The following CACNB2 variants were observed in gnomAD, a reference collection of about 807,000 sequenced individuals.
CACNB2 encodes the protein voltage-dependent L-type calcium channel subunit beta-2.
Under a neutral mutation model 73.3 loss-of-function variants are expected in CACNB2, and 42 were observed. That is an observed-to-expected ratio of 0.57 (90% confidence interval 0.45 to 0.74). The LOEUF (loss-of-function observed/expected upper bound fraction) is 0.74. Among genes scored for constraint, CACNB2 ranks in the 30% least tolerant of loss-of-function variants. CACNB2 has a pLI of 0.00. For missense variants in CACNB2, 940 were observed against 853.0 expected (o/e 1.10, Z -1.27); for synonymous variants, 348 against 310.3 (o/e 1.12, Z -1.28).
chr10:18,314,103 T>C (rs915921608), intron 2 of CACNB2, among the ~76,000 whole-genome samples: 2 of 115,648 alleles, frequency 1.7e-5, no homozygotes, highest in East Asian at 3.9e-4. Flanking sequence ...AGTGAATCAA[T>C]GATTGGACAC....
At position 18,504,857 on chromosome 10, in the gene CACNB2, C is replaced by T. The variant is rs1589578011; in HGVS notation, c.594-1614C>T. Among the ~76,000 whole-genome samples, 7 of 152,320 alleles carry T rather than the reference C, an allele frequency of 4.6e-5. 1 individual carries two copies. The highest frequency in any genetic ancestry group is 4.6e-4 in the Admixed American group (7 of 15,304). On this transcript the variant is annotated intron_variant, in intron 5 of 13. Coordinates refer to ENST00000324631, the MANE Select transcript of CACNB2 (RefSeq NM_201596.3). ...ACAGGGTTTCACTGTGTTGGCCAGG[C>T]TGGTCTCAAACTCCCAACCTTAGGT...
chr10:18,514,265 G>A lies in CACNB2; in HGVS notation c.700G>A (p.Ala234Thr). The A allele has an allele frequency of 1.9e-6, 3 of 1,614,026 alleles. No homozygotes were observed. Among genetic ancestry groups the A allele is most frequent in the Admixed American group, 3.3e-5 (2 of 60,012 alleles). ...AIDIDATGLD[A>T]EENDIPANHR... ...AGACATAGATGCTACTGGCTTAGAT[G>A]CAGAAGAAAATGATATTCCAGCAAA... Residue 234 changes from alanine (A) to threonine (T), a missense_variant, in exon 7 of 14, where the codon GCA (alanine) becomes ACA (threonine). By Grantham distance (58) the Ala-to-Thr change is moderately conservative (BLOSUM62 0). Transcript: ENST00000324631.
chr10:18,184,312 A>T (rs2131230491), intron 2 of CACNB2, among the ~76,000 whole-genome samples: 1 of 152,344 alleles, frequency 6.6e-6, no homozygotes, highest in Middle Eastern at 3.4e-3. Flanking sequence ...ACCTAAGTTT[A>T]AAACAGAAAA....
chr10:18,243,019 AC>A (rs2036724293), intron 2 of CACNB2, among the ~76,000 whole-genome samples: 1 of 150,842 alleles, frequency 6.6e-6, no homozygotes, highest in African/African-American at 2.4e-5. Flanking sequence ...AAAAAAAAAA[AC>A]AAAAAAAAGA....
chr10:18,410,749 A>C (rs372252164), intron 3 of CACNB2, among the ~76,000 whole-genome samples: 1 of 152,156 alleles, frequency 6.6e-6, no homozygotes, highest in African/African-American at 2.4e-5. Context: ...TGGGAGGCCA[A>C]GGCAGGTGGA....
At chr10:18,305,948 G>A (rs2039710467) in intron 2 of CACNB2, among the ~76,000 whole-genome samples, 1 of 152,096 alleles carries the variant, frequency 6.6e-6, no homozygotes, top group Admixed American at 6.6e-5. Context: ...AGCCTGGACA[G>A]CAGACCGAGA....
intron 2 of CACNB2, among the ~76,000 whole-genome samples, chr10:18,161,697 G>A (rs914975462): frequency 6.6e-6 from 1 of 151,616 alleles, no homozygotes; most frequent in Non-Finnish European, 1.5e-5. Context: ...GCCCAGGCAG[G>A]TGAATCACCT....
At chr10:18,493,753 C>A (rs2049605816) in intron 3 of CACNB2, among the ~76,000 whole-genome samples, 1 of 152,082 alleles carries the variant, frequency 6.6e-6, no homozygotes, top group Admixed American at 6.6e-5. Flanking sequence ...TTCTTGAACC[C>A]ATATGAATGA....
chr10:18,441,655 A>G (rs1330630109), intron 3 of CACNB2, among the ~76,000 whole-genome samples: 1 of 152,028 alleles, frequency 6.6e-6, no homozygotes, highest in Non-Finnish European at 1.5e-5. Flanking sequence ...ATTTTTTTTA[A>G]AGACAGGGTC....
intron 3 of CACNB2, among the ~76,000 whole-genome samples, chr10:18,408,692 A>T (rs2044434464): frequency 6.6e-6 from 1 of 152,320 alleles, no homozygotes; most frequent in East Asian, 1.9e-4. Context: ...TCCCAGTTTC[A>T]TGATGTTTGA....
chr10:18,263,611 G>A (rs1284599203), intron 2 of CACNB2, among the ~76,000 whole-genome samples: 1 of 152,106 alleles, frequency 6.6e-6, no homozygotes, highest in African/African-American at 2.4e-5. Context: ...TAGTATGACA[G>A]CTTTCTTAAG....
Position 18,541,652 on chromosome 10 carries a change from G to C in CACNB2, c.*1928G>C, listed in dbSNP as rs1406984408. On this transcript the variant is annotated 3_prime_UTR_variant, in exon 14 of 14. Coordinates refer to ENST00000324631, the MANE Select transcript of CACNB2 (RefSeq NM_201596.3). ...GAGGAGGGTGGATCACCTGAGGTCA[G>C]GAGTTCAAGACCAGCCTGGCCAACG... is the stretch of plus-strand genomic sequence containing the variant. 3 of 152,194 alleles carry C rather than the reference G, an allele frequency of 2.0e-5. No individual in the cohort carries two copies. Among genetic ancestry groups the C allele is most frequent in the Non-Finnish European group, 4.4e-5 (3 of 68,084 alleles). 9.4% of individuals were successfully genotyped at this position (152,194 alleles called of 1,614,324 possible).
intron 3 of CACNB2, among the ~76,000 whole-genome samples, chr10:18,429,661 T>A (rs2045777307): frequency 9.5e-6 from 1 of 104,912 alleles, no homozygotes; most frequent in Non-Finnish European, 1.9e-5. Context: ...ACTCCGTCTC[T>A]ACCAAAAAAA....
chr10:18,221,348 G>C (rs1285968113), intron 2 of CACNB2, among the ~76,000 whole-genome samples: 1 of 152,122 alleles, frequency 6.6e-6, no homozygotes, highest in Admixed American at 6.5e-5. Context: ...ACCTATTACT[G>C]TTCTTTCAGA....
intron 3 of CACNB2, among the ~76,000 whole-genome samples, chr10:18,416,012 G>C (rs1388707642): frequency 6.6e-6 from 1 of 151,932 alleles, no homozygotes. Flanking sequence ...TCAAGTCAGG[G>C]GACTCAGAGT....
chr10:18,336,676 A>G (rs1314271510), intron 2 of CACNB2, among the ~76,000 whole-genome samples: 1 of 152,204 alleles, frequency 6.6e-6, no homozygotes, highest in Non-Finnish European at 1.5e-5. Flanking sequence ...CAAGACAGCA[A>G]TCATTTGCAT....
chr10:18,285,711 G>T (rs1368323432), intron 2 of CACNB2, among the ~76,000 whole-genome samples: 1 of 152,194 alleles, frequency 6.6e-6, no homozygotes, highest in East Asian at 1.9e-4. Flanking sequence ...TTAAATATCA[G>T]CAAGCTTTTA....
chr10:18,181,440 T>C (rs372343899), intron 2 of CACNB2, among the ~76,000 whole-genome samples: 1 of 152,278 alleles, frequency 6.6e-6, no homozygotes, highest in East Asian at 1.9e-4. Context: ...AGGAACTTGG[T>C]ACCCTTCCTT....
intron 2 of CACNB2, among the ~76,000 whole-genome samples, chr10:18,176,546 A>G (rs928066811): frequency 6.6e-6 from 1 of 151,964 alleles, no homozygotes; most frequent in Admixed American, 6.6e-5. Context: ...AAGTGAAGCT[A>G]CAGAAGAGGG....
Sources: allele counts gnomAD v4.1 joint callset (sites outside exome capture counted in the v4.1 genomes callset), GRCh38; gene constraint gnomAD v4.1.1; transcripts MANE v1.5; gene names NCBI Gene and HGNC (gene_info 2026-07-23, HGNC 2026-07-21).